Variants in CADPS2 observed in about 807,000 individuals in gnomAD.
The protein encoded by CADPS2 is calcium dependent secretion activator 2.
CADPS2 carries 93 observed loss-of-function variants against 172.5 expected under a neutral mutation model. The ratio of observed to expected loss-of-function variants is 0.54; its 90% confidence interval spans 0.46 to 0.64. The LOEUF (loss-of-function observed/expected upper bound fraction) is 0.64. Ranked by LOEUF, CADPS2 falls within the 30% of genes least tolerant of loss-of-function variation. The probability of loss-of-function intolerance (pLI) is 0.00; values close to 1 mark genes in which losing one functional copy is unlikely to be tolerated. For synonymous variants in CADPS2, 546 were observed against 555.2 expected (o/e 0.98, Z 0.23); for missense variants, 1,420 against 1,565.9 (o/e 0.91, Z 1.57).
chr7:122,864,431 G>T (rs925302975), intron 1 of CADPS2, among the ~76,000 whole-genome samples: 2 of 151,774 alleles, frequency 1.3e-5, no homozygotes, highest in Non-Finnish European at 2.9e-5. Flanking sequence ...AGTAAGTCAT[G>T]AAATTGCCAC....
intron 1 of CADPS2, among the ~76,000 whole-genome samples, chr7:122,799,808 A>G (rs1254513917): frequency 3.9e-5 from 6 of 152,156 alleles, no homozygotes; most frequent in African/African-American, 1.4e-4. Flanking sequence ...TTCACTTTCT[A>G]TCATAGAGAG....
intron 2 of CADPS2, among the ~76,000 whole-genome samples, chr7:122,695,210 T>C (rs1008454763): frequency 6.6e-6 from 1 of 152,186 alleles, no homozygotes; most frequent in African/African-American, 2.4e-5. Flanking sequence ...CCGATAAGAG[T>C]TGAAATGCGT....
At chr7:122,575,926 T>C (rs2067982795) in intron 7 of CADPS2, among the ~76,000 whole-genome samples, 1 of 152,186 alleles carries the variant, frequency 6.6e-6, no homozygotes, top group South Asian at 2.1e-4. Context: ...GAATGAATAG[T>C]ATACATTACC....
intron 11 of CADPS2, among the ~76,000 whole-genome samples, chr7:122,481,920 T>C (rs1452655736): frequency 6.6e-6 from 1 of 152,028 alleles, no homozygotes; most frequent in African/African-American, 2.4e-5. Context: ...CTTGGGAGGC[T>C]ACTTGGGAGG....
chr7:122,446,552 C>T (rs777245068), intron 15 of CADPS2, among the ~76,000 whole-genome samples: 3 of 152,132 alleles, frequency 2.0e-5, no homozygotes, highest in African/African-American at 7.2e-5. Context: ...CTAGAACTAC[C>T]CCTGGTCCTG....
intron 20 of CADPS2, among the ~76,000 whole-genome samples, chr7:122,397,924 G>A (rs888289069): frequency 3.3e-5 from 5 of 152,168 alleles, no homozygotes; most frequent in Non-Finnish European, 7.3e-5. Flanking sequence ...GGGAAAGCCA[G>A]CACCTATTTT....
chr7:122,651,835 A>G (rs2079181319), intron 3 of CADPS2, among the ~76,000 whole-genome samples: 2 of 152,198 alleles, frequency 1.3e-5, no homozygotes, highest in East Asian at 3.8e-4. Context: ...ATAGAAGTTA[A>G]AGGAAAATTA....
At position 122,480,845 on chromosome 7, in the gene CADPS2, T is replaced by G. The variant is rs1367798831; in HGVS notation, c.1861+7A>C. On this transcript the variant is annotated splice_region_variant and intron_variant, in intron 12 of 29. Transcript: ENST00000449022. The stretch of plus-strand genomic sequence containing the variant: ...CATCTAATTTTAAAAATCATGAAAA[T>G]ACTTACCTTTACCAGCTACAGGTCA... 3 of 1,516,188 alleles carry G rather than the reference T, an allele frequency of 2.0e-6. No homozygotes were observed. Among genetic ancestry groups the G allele is most frequent in the Non-Finnish European group, 2.6e-6 (3 of 1,134,412 alleles). 93.9% of individuals were successfully genotyped at this position (1,516,188 alleles called of 1,614,324 possible). A position where few individuals can be genotyped will look rare whatever the true frequency, so the allele number is the denominator to read the frequency against.
intron 1 of CADPS2, among the ~76,000 whole-genome samples, chr7:122,867,170 T>C (rs1322313487): frequency 6.6e-6 from 1 of 152,046 alleles, no homozygotes; most frequent in Non-Finnish European, 1.5e-5. Context: ...CCAAACCCCC[T>C]CCCACAGTTA....
intron 6 of CADPS2, among the ~76,000 whole-genome samples, chr7:122,609,572 C>T (rs1170675175): frequency 6.6e-6 from 1 of 152,140 alleles, no homozygotes; most frequent in Non-Finnish European, 1.5e-5. Context: ...GAAACTTTCA[C>T]AAATTACATT....
At chr7:122,698,823 G>C in intron 2 of CADPS2, 1 of 1,613,636 alleles carries the variant, frequency 6.2e-7, no homozygotes, top group Non-Finnish European at 8.5e-7. Flanking sequence ...CACTTGCTCT[G>C]CAACAGTTCT....
intron 2 of CADPS2, among the ~76,000 whole-genome samples, chr7:122,730,229 A>C (rs778933323): frequency 1.3e-4 from 20 of 151,896 alleles, no homozygotes; most frequent in Non-Finnish European, 2.5e-4. Flanking sequence ...CCAATATAGA[A>C]ATGTTAAACT....
At chr7:122,542,942 T>C (rs2063252102) in intron 8 of CADPS2, among the ~76,000 whole-genome samples, 2 of 152,214 alleles carry the variant, frequency 1.3e-5, no homozygotes, top group South Asian at 4.1e-4. Context: ...TCTCAAATAA[T>C]CATTTTATAT....
chr7:122,746,075 G>A (rs2092708397), intron 1 of CADPS2, among the ~76,000 whole-genome samples: 1 of 152,090 alleles, frequency 6.6e-6, no homozygotes, highest in South Asian at 2.1e-4. Flanking sequence ...TAATAGGGCT[G>A]TTGCATTAAA....
chr7:122,738,346 C>G (rs1026948723), intron 1 of CADPS2, among the ~76,000 whole-genome samples: 1 of 151,658 alleles, frequency 6.6e-6, no homozygotes, highest in Non-Finnish European at 1.5e-5. Flanking sequence ...ACTGTACACA[C>G]AGGGGCATGT....
chr7:122,861,975 A>G (rs62482524), intron 1 of CADPS2, among the ~76,000 whole-genome samples: 6,984 of 152,330 alleles, frequency 0.046, 243 homozygotes, highest in Middle Eastern at 0.071. Flanking sequence ...TGTTAAAATG[A>G]GGAAAATTTT....
intron 7 of CADPS2, among the ~76,000 whole-genome samples, chr7:122,567,527 T>C (rs1462677063): frequency 6.6e-6 from 1 of 152,190 alleles, no homozygotes; most frequent in Admixed American, 6.5e-5. Context: ...AATTGTTAAA[T>C]AAATGTACAA....
intron 27 of CADPS2, among the ~76,000 whole-genome samples, chr7:122,356,284 A>G (rs1195042154): frequency 2.0e-5 from 3 of 152,186 alleles, no homozygotes; most frequent in Non-Finnish European, 4.4e-5. Context: ...TTTGTAGTGT[A>G]TCACCTATTG....
At chr7:122,352,607 C>T (rs2038835238) in intron 27 of CADPS2, among the ~76,000 whole-genome samples, 1 of 152,212 alleles carries the variant, frequency 6.6e-6, no homozygotes, top group East Asian at 1.9e-4. Context: ...TAATCTGGTC[C>T]TGGTGTGCAT....
Sources: gnomAD v4.1 joint callset for allele counts (sites outside exome capture counted in the v4.1 genomes callset) on GRCh38, gnomAD v4.1.1 for gene constraint, MANE v1.5 for transcripts, NCBI Gene and HGNC (gene_info 2026-07-23, HGNC 2026-07-21) for gene names.